ZMYM2: variants seen among roughly 807,000 people sequenced by gnomAD.
ZMYM2 encodes the protein zinc finger MYM-type protein 2.
Under a neutral mutation model 162.8 loss-of-function variants are expected in ZMYM2, and 56 were observed. The observed-to-expected ratio is 0.34, with a 90% CI of 0.28 to 0.43. ZMYM2 has a LOEUF of 0.43. Among genes scored for constraint, ZMYM2 ranks in the 20% least tolerant of loss-of-function variants. The pLI, the probability that ZMYM2 is intolerant of heterozygous loss-of-function variation, is 1.00. For synonymous variants in ZMYM2, 510 were observed against 541.6 expected (o/e 0.94, Z 0.81); for missense variants, 1,275 against 1,621.8 (o/e 0.79, Z 3.67).
the ZMYM2 span, among the ~76,000 whole-genome samples, chr13:19,904,355 G>A: frequency 0.016 from 2,459 of 151,976 alleles, 35 homozygotes; most frequent in Non-Finnish European, 0.025. Flanking sequence ...TCCGGAGTTC[G>A]CGACCAGCCT....
At chr13:19,878,734 C>G in the ZMYM2 span, among the ~76,000 whole-genome samples, 6 of 152,076 alleles carry the variant, frequency 3.9e-5, no homozygotes, top group African/African-American at 1.2e-4. Context: ...GTTGGTCAGG[C>G]TGGTCTTGAA....
intron 2 of ZMYM2, among the ~76,000 whole-genome samples, chr13:19,975,176 TAA>T (rs11291950): frequency 0.1 from 14,275 of 142,308 alleles, 883 homozygotes; most frequent in Non-Finnish European, 0.14. Context: ...CTTCTTTTCT[TAA>T]AAAAAAAAAA....
intron 9 of ZMYM2, among the ~76,000 whole-genome samples, chr13:20,030,286 A>G (rs1211898996): frequency 6.8e-6 from 1 of 148,130 alleles, no homozygotes; most frequent in Non-Finnish European, 1.5e-5. Context: ...GCTAGAGTGC[A>G]GTGGTGTGAT....
At chr13:19,950,022 C>T in the ZMYM2 span, among the ~76,000 whole-genome samples, 1 of 151,640 alleles carries the variant, frequency 6.6e-6, no homozygotes, top group African/African-American at 2.4e-5. Flanking sequence ...CCCGTAATTC[C>T]AACACTTTGG....
chr13:20,045,700 A>G (rs1325641301), intron 12 of ZMYM2, among the ~76,000 whole-genome samples: 1 of 152,126 alleles, frequency 6.6e-6, no homozygotes, highest in African/African-American at 2.4e-5. Flanking sequence ...TGGAAATCCC[A>G]TTTTATTTTT....
At chr13:19,867,029 T>C in the ZMYM2 span, among the ~76,000 whole-genome samples, 1 of 152,212 alleles carries the variant, frequency 6.6e-6, no homozygotes. Context: ...GGAAATGTAA[T>C]TGGAACCAAA....
At chr13:19,885,273 TAA>T in the ZMYM2 span, among the ~76,000 whole-genome samples, 1 of 151,890 alleles carries the variant, frequency 6.6e-6, no homozygotes, top group East Asian at 1.9e-4. Context: ...GACCCTGTCT[TAA>T]AAAAAAGTTT....
chr13:19,947,013 C>T, the ZMYM2 span, among the ~76,000 whole-genome samples: 4 of 151,392 alleles, frequency 2.6e-5, no homozygotes, highest in Non-Finnish European at 5.9e-5. Flanking sequence ...GATTTGTTAT[C>T]AATTTTTTAT....
chr13:19,895,076 C>CAAAAAAAAA, the ZMYM2 span, among the ~76,000 whole-genome samples: 1 of 83,730 alleles, frequency 1.2e-5, no homozygotes, highest in Non-Finnish European at 2.2e-5. Context: ...AACTCCATCT[C>CAAAAAAAAA]AAAAAAAAAA....
At chr13:19,944,912 C>G in the ZMYM2 span, among the ~76,000 whole-genome samples, 6 of 152,198 alleles carry the variant, frequency 3.9e-5, no homozygotes, top group African/African-American at 1.4e-4. Flanking sequence ...TTCAGGTGAT[C>G]CTCCCACCTC....
rs367793501 is a variant in ZMYM2, at chr13:20,068,906, A to G, written c.3453+1516A>G. ...GCTGTGTTTTGGGGTTATGTATGGA[A>G]TTTCATTTAGAAATTTCATTTCTGG... On this transcript the variant is annotated intron_variant, in intron 21 of 24. Coordinates refer to ENST00000610343, the MANE Select transcript of ZMYM2 (RefSeq NM_197968.4). Among the ~76,000 whole-genome samples, 8 of 152,212 alleles carry G rather than the reference A, an allele frequency of 5.3e-5. No individual in the cohort carries two copies. In the East Asian group the frequency reaches 1.2e-3, roughly 22 times the overall value.
the ZMYM2 span, among the ~76,000 whole-genome samples, chr13:19,900,480 G>A: frequency 2.6e-5 from 4 of 152,084 alleles, no homozygotes; most frequent in African/African-American, 9.7e-5. Context: ...TACTAGATGG[G>A]TTCACGGGTA....
intron 2 of ZMYM2, among the ~76,000 whole-genome samples, chr13:19,992,336 A>C (rs868805486): frequency 6.6e-6 from 1 of 152,138 alleles, no homozygotes; most frequent in East Asian, 1.9e-4. Context: ...AGTTCAGGGG[A>C]TCTCTTGAGC....
chr13:20,030,322 C>G (rs1952979488), intron 9 of ZMYM2, among the ~76,000 whole-genome samples: 1 of 150,404 alleles, frequency 6.6e-6, no homozygotes, highest in Non-Finnish European at 1.5e-5. Flanking sequence ...CCTCCGCCTC[C>G]TGGGTTCAAG....
intron 2 of ZMYM2, among the ~76,000 whole-genome samples, chr13:19,990,587 T>A (rs1033931765): frequency 6.6e-6 from 1 of 152,014 alleles, no homozygotes; most frequent in Non-Finnish European, 1.5e-5. Context: ...AAATTTAGTT[T>A]AAAAAAAAGT....
At chr13:20,026,032 T>C (rs1451729224) in intron 7 of ZMYM2, 1 of 152,210 alleles carries the variant, frequency 6.6e-6, no homozygotes, top group Non-Finnish European at 1.5e-5. Context: ...CCAGAAGTCA[T>C]TTTGAATGTG....
At chr13:19,887,116 T>C in the ZMYM2 span, among the ~76,000 whole-genome samples, 1 of 151,948 alleles carries the variant, frequency 6.6e-6, no homozygotes, top group Non-Finnish European at 1.5e-5. Flanking sequence ...TAAAGAGTGG[T>C]GGCTTGTTTT....
the ZMYM2 span, among the ~76,000 whole-genome samples, chr13:19,938,760 G>A: frequency 6.6e-6 from 1 of 151,436 alleles, no homozygotes; most frequent in Non-Finnish European, 1.5e-5. Context: ...ATTCCAGCCT[G>A]AGTCAGCTTA....
the ZMYM2 span, among the ~76,000 whole-genome samples, chr13:19,915,472 T>C: frequency 6.6e-6 from 1 of 152,052 alleles, no homozygotes; most frequent in Non-Finnish European, 1.5e-5. Flanking sequence ...TTTCATGATG[T>C]TGGTATTCTT....
Sources: allele counts gnomAD v4.1 joint callset (sites outside exome capture counted in the v4.1 genomes callset), GRCh38; gene constraint gnomAD v4.1.1; transcripts MANE v1.5; gene names NCBI Gene and HGNC (gene_info 2026-07-23, HGNC 2026-07-21).